MPRIP: variants seen among roughly 807,000 people sequenced by gnomAD.
The protein encoded by MPRIP is myosin phosphatase Rho interacting protein.
In MPRIP, 59 loss-of-function variants were observed where a neutral mutation model predicts 234.9. The observed-to-expected ratio is 0.25, with a 90% confidence interval of 0.20 to 0.31. MPRIP has a LOEUF of 0.31. Ranked by LOEUF, MPRIP falls within the 10% of genes least tolerant of loss-of-function variation. MPRIP has a pLI of 1.00. For synonymous variants in MPRIP, 1,144 were observed against 1,263.9 expected (o/e 0.91, Z 2.01); for missense variants, 2,436 against 3,071.0 (o/e 0.79, Z 4.89).
intron 1 of MPRIP, among the ~76,000 whole-genome samples, chr17:17,072,346 G>T (rs892746539): frequency 6.6e-6 from 1 of 152,136 alleles, no homozygotes. Flanking sequence ...GCCTAGGCCG[G>T]TGGGCACTCA....
intron 13 of MPRIP, among the ~76,000 whole-genome samples, chr17:17,156,372 C>T (rs1020101097): frequency 6.6e-6 from 1 of 151,878 alleles, no homozygotes; most frequent in Non-Finnish European, 1.5e-5. Flanking sequence ...CATAACCTAG[C>T]ATATCTGCAT....
Position 17,177,280 on chromosome 17 carries a change from G to A in MPRIP, c.6988G>A (p.Asp2330Asn). 6.2e-7 allele frequency: 1 copy of A among 1,613,980 alleles called. No individual in the cohort carries two copies. The change falls in exon 22 of 24, where the codon GAC becomes AAC. Residue 2330 changes from aspartate (D) to asparagine (N), a missense_variant. Physicochemically the swap from Asp to Asn is conservative, Grantham distance 23. Coordinates refer to ENST00000651222, the MANE Select transcript of MPRIP (RefSeq NM_001364716.4). ...GAAGTACGCAAGTGACAAGTACAAA[G>A]ACATCTACACAGAGCTCAGCATCGC... is the stretch of plus-strand genomic sequence containing the variant. The part of the protein sequence containing the change: ...DKKYASDKYK[D>N]IYTELSIAKA...
At position 17,186,555 on chromosome 17, in the gene MPRIP, T is replaced by C. The variant is rs1335653654; in HGVS notation, c.*1661T>C. 3.3e-5 allele frequency: 5 copies of C among 152,176 alleles called. No individual in the cohort carries two copies. The highest frequency in any genetic ancestry group is 6.5e-5 in the Admixed American group (1 of 15,272). 9.4% of individuals were successfully genotyped at this position (152,176 alleles called of 1,614,324 possible). A position where few individuals can be genotyped will look rare whatever the true frequency, so the allele number is the denominator to read the frequency against. On this transcript the variant is annotated 3_prime_UTR_variant, in exon 24 of 24. Coordinates refer to ENST00000651222, the MANE Select transcript of MPRIP (RefSeq NM_001364716.4). ...TAACAGCAAGAGAAAATTGGGTTTGTTTAAAAATCTACTTCTCTGAGGTGG... is the reference window on the plus strand; with the variant it reads ...TAACAGCAAGAGAAAATTGGGTTTGCTTAAAAATCTACTTCTCTGAGGTGG...
chr17:17,095,428 C>T (rs755748120), intron 3 of MPRIP, among the ~76,000 whole-genome samples: 3 of 152,170 alleles, frequency 2.0e-5, no homozygotes, highest in African/African-American at 4.8e-5. Flanking sequence ...CGAGCCCTCT[C>T]GTCTCCATTA....
In MPRIP at chr17:17,164,716, A is replaced by G. The variant is rs1348049341; in HGVS notation, c.3125A>G (p.Glu1042Gly). 3.2e-5 allele frequency: 41 copies of G among 1,292,626 alleles called. No individual in the cohort carries two copies. The highest frequency in any genetic ancestry group is 4.2e-5 in the Non-Finnish European group (41 of 984,736). The allele number at this position is 1,292,626 out of a possible 1,614,324, so 80.1% of individuals were successfully genotyped here. A position where few individuals can be genotyped will look rare whatever the true frequency, so the allele number is the denominator to read the frequency against. Reference protein sequence around the residue: ...EKQALLQNLKEVEDKASAYED... With the variant: ...EKQALLQNLKGVEDKASAYED... ...CAGGCATTGCTGCAGAACCTAAAGG[A>G]AGTGGAAGACAAGGCCAGCGCCTAT... The change falls in exon 16 of 24, where the codon GAA becomes GGA. Residue 1042 changes from glutamate (E) to glycine (G), a missense_variant. Around this residue, in one of 4 missense-constraint regions of MPRIP, gnomAD observed 1,998 missense variants for 2,520.3 expected, o/e 0.79. Coordinates refer to ENST00000651222, the MANE Select transcript of MPRIP (RefSeq NM_001364716.4).
chr17:17,130,122 TG>T (rs540529909), intron 4 of MPRIP, among the ~76,000 whole-genome samples: 1 of 152,134 alleles, frequency 6.6e-6, no homozygotes, highest in South Asian at 2.1e-4. Flanking sequence ...CTTGGATCTC[TG>T]GCATTGCAGG....
rs1279236253 is a variant in MPRIP, at chr17:17,126,775, G to A, written c.341G>A (p.Gly114Asp). 6.2e-7 allele frequency: 1 copy of A among 1,614,216 alleles called. No homozygotes were observed. The highest frequency in any genetic ancestry group is 8.5e-7 in the Non-Finnish European group (1 of 1,180,024). ...TDVVDGEGRT[G>D]QKFSLCILTP... is the part of the protein sequence containing the mutation. Reference sequence around the variant, plus strand: ...GTGGTGGATGGGGAGGGCCGCACGGGCCAGAAGTTCTCCCTGTGTATTCTG... The same window carrying A: ...GTGGTGGATGGGGAGGGCCGCACGGACCAGAAGTTCTCCCTGTGTATTCTG... Residue 114 changes from glycine to aspartate, a missense_variant, in exon 4 of 24, where the codon GGC becomes GAC. Coordinates refer to ENST00000651222, the MANE Select transcript of MPRIP (RefSeq NM_001364716.4).
intron 23 of MPRIP, chr17:17,182,835 A>AAG (rs2046400415): frequency 6.6e-6 from 1 of 152,324 alleles, no homozygotes; most frequent in African/African-American, 2.4e-5. Flanking sequence ...TACAGTCCTG[A>AAG]CAGAAAGTCC....
At chr17:17,110,106 C>G (rs1160860825) in intron 3 of MPRIP, among the ~76,000 whole-genome samples, 1 of 152,058 alleles carries the variant, frequency 6.6e-6, no homozygotes, top group East Asian at 1.9e-4. Flanking sequence ...TGGGTTCTTG[C>G]TCTGTTAGTT....
At chr17:17,094,439 C>G (rs1323072916) in intron 3 of MPRIP, among the ~76,000 whole-genome samples, 1 of 152,112 alleles carries the variant, frequency 6.6e-6, no homozygotes, top group Non-Finnish European at 1.5e-5. Flanking sequence ...CTCTTTATCC[C>G]TTGAGTTCTA....
intron 23 of MPRIP, 71 bp downstream of exon 23, chr17:17,180,159 T>A: frequency 7.9e-7 from 1 of 1,260,016 alleles, no homozygotes; most frequent in Non-Finnish European, 1.1e-6. Context: ...CAAATTGAAG[T>A]ATGAGTGCTC....
chr17:17,082,922 T>C (rs1214088865), intron 3 of MPRIP, among the ~76,000 whole-genome samples: 1 of 152,204 alleles, frequency 6.6e-6, no homozygotes, highest in Non-Finnish European at 1.5e-5. Flanking sequence ...ATCATCCTGG[T>C]TGGTGTCAGA....
intron 1 of MPRIP, among the ~76,000 whole-genome samples, chr17:17,069,344 A>G (rs1181823132): frequency 1.3e-5 from 2 of 152,168 alleles, no homozygotes; most frequent in Admixed American, 1.3e-4. Context: ...TTTTGTAGAC[A>G]GTGTACAGTT....
chr17:17,147,155 C>T (rs916431262), intron 10 of MPRIP, among the ~76,000 whole-genome samples, 164 bp from the exon 11 acceptor site: 2 of 152,200 alleles, frequency 1.3e-5, no homozygotes, highest in East Asian at 1.9e-4. Context: ...GCCTGCAGTC[C>T]GAGCAGAGTC....
chr17:17,164,037 T>C, intron 15 of MPRIP, 72 bp from the exon 16 acceptor site: 1 of 1,099,260 alleles, frequency 9.1e-7, no homozygotes, highest in East Asian at 6.0e-5. Flanking sequence ...TGGTTGTTCC[T>C]GGCCAGAGGT....
chr17:17,126,634 C>T (rs1023755387), intron 3 of MPRIP, 68 bp from the exon 4 acceptor site: 2 of 1,531,196 alleles, frequency 1.3e-6, no homozygotes, highest in Non-Finnish European at 1.8e-6. Flanking sequence ...CAGGAATGGC[C>T]TGGGGCTGTA....
chr17:17,180,561 G>A (rs1958869748), intron 23 of MPRIP: 3 of 1,568,674 alleles, frequency 1.9e-6, no homozygotes, highest in Non-Finnish European at 2.6e-6. Flanking sequence ...CACCGCGTGT[G>A]TTTGGGATTG....
chr17:17,080,972 G>A (rs1396360340), intron 3 of MPRIP, among the ~76,000 whole-genome samples: 1 of 152,100 alleles, frequency 6.6e-6, no homozygotes, highest in Admixed American at 6.5e-5. Flanking sequence ...GTGTACCAGG[G>A]AGCACATAGG....
intron 3 of MPRIP, among the ~76,000 whole-genome samples, chr17:17,113,885 C>CTT (rs1396154528): frequency 1.7e-4 from 17 of 98,422 alleles, no homozygotes; most frequent in Admixed American, 4.2e-4. Context: ...CTTTTCTTTT[C>CTT]TTTTTTTTTT....
Sources: gnomAD v4.1 joint callset for allele counts (sites outside exome capture counted in the v4.1 genomes callset) on GRCh38, gnomAD v4.1.1 for gene constraint, gnomAD v4.1.1 regional missense constraint, MANE v1.5 for transcripts, NCBI Gene and HGNC (gene_info 2026-07-23, HGNC 2026-07-21) for gene names.